The following MARCHF1 variants were observed in gnomAD, a reference collection of about 807,000 sequenced individuals.
MARCHF1 encodes membrane associated ring-CH-type finger 1.
Under a neutral mutation model 54.2 loss-of-function variants are expected in MARCHF1, and 40 were observed. The observed-to-expected ratio is 0.74, with a 90% CI of 0.57 to 0.96. The LOEUF (loss-of-function observed/expected upper bound fraction) is 0.96. Ranked by LOEUF, MARCHF1 falls within the 40% of genes least tolerant of loss-of-function variation. The pLI is 0.00. For synonymous variants in MARCHF1, 236 were observed against 236.3 expected (o/e 1.00, Z 0.01); for missense variants, 586 against 656.5 (o/e 0.89, Z 1.17).
chr4:163,544,937 A>G (rs1428191460), intron 9 of MARCHF1, among the ~76,000 whole-genome samples: 1 of 152,218 alleles, frequency 6.6e-6, no homozygotes, highest in African/African-American at 2.4e-5. Flanking sequence ...CCAATGAGAA[A>G]CAGAACTGGG....
chr4:164,039,886 C>T (rs1444994353), intron 2 of MARCHF1, among the ~76,000 whole-genome samples: 1 of 150,958 alleles, frequency 6.6e-6, no homozygotes, highest in African/African-American at 2.4e-5. Context: ...TATGACATTT[C>T]ACACTTACAG....
intron 4 of MARCHF1, among the ~76,000 whole-genome samples, chr4:163,795,581 T>C (rs1374465956): frequency 6.6e-6 from 1 of 152,242 alleles, no homozygotes; most frequent in Non-Finnish European, 1.5e-5. Flanking sequence ...TGCAATTTTG[T>C]TACAGTGTTC....
intron 5 of MARCHF1, among the ~76,000 whole-genome samples, chr4:163,651,228 T>G (rs1017464800): frequency 6.6e-6 from 1 of 151,948 alleles, no homozygotes; most frequent in Non-Finnish European, 1.5e-5. Context: ...TTTGGATTGT[T>G]GTTTGCTAGT....
chr4:164,245,749 A>G (rs1484412091), intron 1 of MARCHF1, among the ~76,000 whole-genome samples: 76 of 146,824 alleles, frequency 5.2e-4, no homozygotes, highest in African/African-American at 1.8e-3. Context: ...AACTTCAGCA[A>G]AGTCTCAGGA....
At chr4:164,356,780 C>CAAAAAAAAAAAAAAAAAAGAA (rs58855405) in intron 1 of MARCHF1, among the ~76,000 whole-genome samples, 3 of 103,264 alleles carry the variant, frequency 2.9e-5, no homozygotes, top group East Asian at 4.4e-4. Context: ...AAAAGAAAAG[C>CAAAAAAAAAAAAAAAAAAGAA]AAAAAAAAAA....
intron 5 of MARCHF1, among the ~76,000 whole-genome samples, chr4:163,676,398 T>C (rs578176204): frequency 1.3e-5 from 2 of 150,726 alleles, no homozygotes; most frequent in South Asian, 2.1e-4. Flanking sequence ...AAACATACTA[T>C]GGTTCTTCAG....
intron 3 of MARCHF1, among the ~76,000 whole-genome samples, chr4:163,890,461 C>T (rs573770591): frequency 4.6e-5 from 7 of 152,056 alleles, no homozygotes; most frequent in Non-Finnish European, 8.8e-5. Context: ...TAGACTGACT[C>T]AGATCAAACC....
intron 3 of MARCHF1, among the ~76,000 whole-genome samples, chr4:163,894,437 A>G (rs1322178356): frequency 6.6e-6 from 1 of 151,850 alleles, no homozygotes; most frequent in Non-Finnish European, 1.5e-5. Context: ...CAATGAGTGA[A>G]TGAAAGATTA....
intron 2 of MARCHF1, among the ~76,000 whole-genome samples, chr4:164,044,924 C>T (rs755275091): frequency 1.3e-5 from 2 of 152,056 alleles, no homozygotes; most frequent in Admixed American, 6.6e-5. Context: ...GTAACTGAGA[C>T]TCTAAAGCTC....
chr4:164,232,462 C>T (rs571052721), intron 1 of MARCHF1, among the ~76,000 whole-genome samples: 2 of 152,120 alleles, frequency 1.3e-5, no homozygotes, highest in South Asian at 2.1e-4. Flanking sequence ...AGACAGTGAA[C>T]ACTAATAGCA....
chr4:164,357,820 T>C (rs530816786), intron 1 of MARCHF1, among the ~76,000 whole-genome samples: 15 of 152,292 alleles, frequency 9.8e-5, no homozygotes, highest in Admixed American at 7.9e-4. Flanking sequence ...AACCTTTAGC[T>C]AGGTATTCAG....
In MARCHF1 at chr4:163,709,051, T is replaced by C. The variant is rs537165828; in HGVS notation, c.112-8188A>G. The stretch of plus-strand genomic sequence containing the variant: ...TTTAAAAATAATGAAATAGATTATG[T>C]ATAGAGAGTAATTCCATTTCTTTAA... On this transcript the variant is annotated intron_variant, in intron 4 of 9. Transcript: ENST00000514618. Among the ~76,000 whole-genome samples the C allele has an allele frequency of 1.8e-3, 276 of 152,268 alleles. 2 individuals are homozygous for C. The highest frequency in any genetic ancestry group is 5.8e-3 in the South Asian group (28 of 4,832).
intron 1 of MARCHF1, among the ~76,000 whole-genome samples, chr4:164,137,413 TTGA>T (rs1357363251): frequency 5.3e-5 from 8 of 152,174 alleles, no homozygotes; most frequent in Non-Finnish European, 8.8e-5. Context: ...CAGACAAAAC[TTGA>T]TGATAAAATG....
At chr4:163,704,425 T>A (rs912191534) in intron 4 of MARCHF1, among the ~76,000 whole-genome samples, 2 of 151,868 alleles carry the variant, frequency 1.3e-5, no homozygotes, top group East Asian at 1.9e-4. Context: ...TTAAAAGATA[T>A]ATAAAAAATC....
chr4:163,890,487 A>G (rs536523027), intron 3 of MARCHF1, among the ~76,000 whole-genome samples: 31 of 152,218 alleles, frequency 2.0e-4, no homozygotes, highest in Non-Finnish European at 3.5e-4. Flanking sequence ...TCTTGCTTCC[A>G]TTAACTGTGT....
At chr4:164,277,028 C>T (rs1366176458) in intron 1 of MARCHF1, among the ~76,000 whole-genome samples, 3 of 150,494 alleles carry the variant, frequency 2.0e-5, no homozygotes, top group African/African-American at 2.4e-5. Context: ...CTTTGAGTTC[C>T]ACGGTGTTGA....
At chr4:164,062,323 C>T (rs1399255598) in intron 2 of MARCHF1, among the ~76,000 whole-genome samples, 1 of 151,998 alleles carries the variant, frequency 6.6e-6, no homozygotes, top group Non-Finnish European at 1.5e-5. Context: ...TCATGGTAAT[C>T]CATGAGGCTT....
rs138846265 is a variant in MARCHF1, at chr4:163,758,685, G to A, written c.112-57822C>T. Among the ~76,000 whole-genome samples the A allele has an allele frequency of 7.7e-3, 1,178 of 152,294 alleles. 12 individuals carry two copies. Among genetic ancestry groups the A allele is most frequent in the African/African-American group, 0.026 (1,096 of 41,578 alleles). Reference sequence around the variant, plus strand: ...ACATGTTGTAACTTTTATGAGTAAAGATGAAATGAATAATGAAATGCTGTC... The same window carrying A: ...ACATGTTGTAACTTTTATGAGTAAAAATGAAATGAATAATGAAATGCTGTC... On this transcript the variant is annotated intron_variant, in intron 4 of 9. Coordinates refer to ENST00000514618, the MANE Select transcript of MARCHF1 (RefSeq NM_001394959.1).
At chr4:163,583,028 G>A (rs556581183) in intron 8 of MARCHF1, among the ~76,000 whole-genome samples, 6 of 152,272 alleles carry the variant, frequency 3.9e-5, no homozygotes, top group African/African-American at 9.6e-5. Context: ...CTGAATGCAC[G>A]TTCCTCATGT....
Sources: allele counts gnomAD v4.1 joint callset (sites outside exome capture counted in the v4.1 genomes callset), GRCh38; gene constraint gnomAD v4.1.1; transcripts MANE v1.5; gene names NCBI Gene and HGNC (gene_info 2026-07-23, HGNC 2026-07-21).